Variants in PCDH7 observed in about 807,000 individuals in gnomAD.
PCDH7 encodes the protein protocadherin-7.
A neutral mutation model predicts 58.9 loss-of-function variants in PCDH7; 17 were observed. That is an observed-to-expected ratio of 0.29 (90% CI 0.20 to 0.43). PCDH7 has a LOEUF of 0.43. Among genes scored for constraint, PCDH7 ranks in the 20% least tolerant of loss-of-function variants. PCDH7 has a pLI of 1.00. For missense variants in PCDH7, 1,274 were observed against 1,441.0 expected (o/e 0.88, Z 1.88); for synonymous variants, 664 against 616.4 (o/e 1.08, Z -1.14).
At chr4:30,877,221 C>G (rs1316745756) in intron 1 of PCDH7, among the ~76,000 whole-genome samples, 1 of 151,998 alleles carries the variant, frequency 6.6e-6, no homozygotes, top group African/African-American at 2.4e-5. Context: ...AAAACAAAAG[C>G]TAGACAGGCC....
At chr4:30,969,496 A>G (rs1749360760) in intron 3 of PCDH7, among the ~76,000 whole-genome samples, 1 of 152,200 alleles carries the variant, frequency 6.6e-6, no homozygotes, top group Non-Finnish European at 1.5e-5. Flanking sequence ...ATAACTATTC[A>G]GAGAAGACTA....
chr4:31,027,811 G>A (rs1009519086), intron 3 of PCDH7, among the ~76,000 whole-genome samples: 1 of 152,142 alleles, frequency 6.6e-6, no homozygotes, highest in African/African-American at 2.4e-5. Flanking sequence ...AAGTGATTAT[G>A]TCTCTGACTG....
chr4:30,812,885 T>G (rs16884113), intron 1 of PCDH7, among the ~76,000 whole-genome samples: 2 of 152,318 alleles, frequency 1.3e-5, no homozygotes, highest in South Asian at 4.1e-4. Flanking sequence ...CATATTAAAT[T>G]CTCTAACTGT....
intron 1 of PCDH7, among the ~76,000 whole-genome samples, chr4:30,903,736 T>A (rs1740525260): frequency 6.6e-6 from 1 of 152,136 alleles, no homozygotes; most frequent in East Asian, 1.9e-4. Context: ...TCCATGAATT[T>A]CCCTAAATAC....
At chr4:30,896,889 CTTT>C (rs71190474) in intron 1 of PCDH7, among the ~76,000 whole-genome samples, 4 of 27,344 alleles carry the variant, frequency 1.5e-4, no homozygotes, top group African/African-American at 3.1e-4. Flanking sequence ...TAGTTCTTTG[CTTT>C]TTTTTTTTTT....
At chr4:30,955,885 T>A (rs1747809525) in intron 3 of PCDH7, among the ~76,000 whole-genome samples, 1 of 151,696 alleles carries the variant, frequency 6.6e-6, no homozygotes, top group Non-Finnish European at 1.5e-5. Flanking sequence ...GATAGCAAGT[T>A]AGATAAAATG....
chr4:31,039,154 T>A (rs551016320), intron 3 of PCDH7, among the ~76,000 whole-genome samples: 1 of 152,242 alleles, frequency 6.6e-6, no homozygotes, highest in Non-Finnish European at 1.5e-5. Flanking sequence ...GGTTTAAAGC[T>A]CCAAAATCAA....
chr4:30,838,845 A>G (rs979622016), intron 1 of PCDH7, among the ~76,000 whole-genome samples: 2 of 152,142 alleles, frequency 1.3e-5, no homozygotes, highest in African/African-American at 2.4e-5. Context: ...TCAGGGGCCA[A>G]CGTTTCTTAG....
rs1468532232 is a variant in PCDH7 at position 30,874,388 on chromosome 4, CAATT to C, written c.71-45764_71-45761del. Among the ~76,000 whole-genome samples, 42 of 151,986 alleles carry C rather than the reference CAATT, an allele frequency of 2.8e-4. No individual in the cohort carries two copies. The East Asian group carries it at 8.0e-3, about 29-fold the overall frequency. ...CCATAAAAAATGATGAGTTCATGTC[CAATT>C]TCATGGATGAAATTGGAAATCATCC... On this transcript the variant is annotated intron_variant, in intron 1 of 3. Transcript: ENST00000509759.
intron 2 of PCDH7, among the ~76,000 whole-genome samples, chr4:30,929,056 T>C (rs1288182895): frequency 2.6e-5 from 4 of 152,146 alleles, no homozygotes; most frequent in Non-Finnish European, 5.9e-5. Flanking sequence ...CATGGATAAT[T>C]ACTAAAAATA....
chr4:31,093,223 T>C (rs1713492843), intron 3 of PCDH7, among the ~76,000 whole-genome samples: 2 of 152,144 alleles, frequency 1.3e-5, no homozygotes, highest in Non-Finnish European at 2.9e-5. Context: ...AAATAAGAGC[T>C]GTATGACAAC....
intron 1 of PCDH7, among the ~76,000 whole-genome samples, chr4:30,850,619 CAGA>C (rs1392447321): frequency 2.0e-5 from 3 of 152,026 alleles, no homozygotes; most frequent in Non-Finnish European, 4.4e-5. Context: ...CCATGCTTCA[CAGA>C]AGTTGTTTAA....
Position 30,880,864 on chromosome 4 carries a change from A to G in PCDH7, c.71-39289A>G, listed in dbSNP as rs555729325. Among the ~76,000 whole-genome samples the G allele has an allele frequency of 1.8e-4, 27 of 152,300 alleles. No individual in the cohort carries two copies. In the East Asian group the frequency reaches 4.1e-3, roughly 23 times the overall value. On this transcript the variant is annotated intron_variant, in intron 1 of 3. Coordinates refer to the PCDH7 transcript ENST00000509759. ...TACTTAAATGAAAGCCAAGAGGCAG[A>G]GTCTTGTCAGGAGTATGGCTGGAGC...
chr4:31,038,878 A>T (rs1755621799), intron 3 of PCDH7, among the ~76,000 whole-genome samples: 1 of 152,166 alleles, frequency 6.6e-6, no homozygotes, highest in African/African-American at 2.4e-5. Context: ...GTTCCAGTCC[A>T]CATAAATCTG....
rs1331351214 is a variant in PCDH7 at position 31,019,685 on chromosome 4, C to CA, written c.*7+69484dup. Among the ~76,000 whole-genome samples, 426 of 110,600 alleles carry CA rather than the reference C, an allele frequency of 3.9e-3. 1 individual carries two copies. Among genetic ancestry groups the CA allele is most frequent in the East Asian group, 0.012 (47 of 3,922 alleles). 72.6% of individuals were successfully genotyped at this position (110,600 alleles called of 152,430 possible). A position where few individuals can be genotyped will look rare whatever the true frequency, so the allele number is the denominator to read the frequency against. ...GCCTGGGGACAGAGCGAGACTCTGTCAAAAAAAAAAAAAAGAAATAGGATT... is the reference window on the plus strand; with the variant it reads ...GCCTGGGGACAGAGCGAGACTCTGTCAAAAAAAAAAAAAAAGAAATAGGATT... On this transcript the variant is annotated intron_variant, in intron 3 of 3. Coordinates refer to the PCDH7 transcript ENST00000509759.
intron 3 of PCDH7, among the ~76,000 whole-genome samples, chr4:31,044,829 G>A (rs559527328): frequency 6.6e-6 from 1 of 152,046 alleles, no homozygotes; most frequent in Non-Finnish European, 1.5e-5. Context: ...TTCCTTTTCA[G>A]GAGGAGGGAG....
intron 1 of PCDH7, among the ~76,000 whole-genome samples, chr4:30,872,826 T>TC (rs1266326737): frequency 1.3e-5 from 2 of 152,076 alleles, no homozygotes; most frequent in Admixed American, 1.3e-4. Context: ...CTTCATTTTT[T>TC]CTCATCATTT....
chr4:30,761,301 A>C (rs1410992901), intron 1 of PCDH7, among the ~76,000 whole-genome samples: 1 of 152,186 alleles, frequency 6.6e-6, no homozygotes, highest in African/African-American at 2.4e-5. Context: ...ACTTTTACAA[A>C]GTACACTGGG....
intron 1 of PCDH7, among the ~76,000 whole-genome samples, chr4:30,742,413 A>G (rs1424412704): frequency 1.3e-5 from 2 of 152,206 alleles, no homozygotes; most frequent in African/African-American, 2.4e-5. Context: ...ATAGGATAGC[A>G]TATGCACATC....
Sources: allele counts gnomAD v4.1 joint callset (sites outside exome capture counted in the v4.1 genomes callset), GRCh38; gene constraint gnomAD v4.1.1; transcripts MANE v1.5; gene names NCBI Gene and HGNC (gene_info 2026-07-23, HGNC 2026-07-21).